Variants in ADGRL2 observed in about 807,000 individuals in gnomAD.
ADGRL2 encodes adhesion G protein-coupled receptor L2, also known as calcium-independent alpha-latrotoxin receptor 2.
In ADGRL2, 44 loss-of-function variants were observed where a neutral mutation model predicts 157.4. That is an observed-to-expected ratio of 0.28 (90% CI 0.22 to 0.36). The LOEUF is 0.36. Among genes scored for constraint, ADGRL2 ranks in the 10% least tolerant of loss-of-function variants. The pLI is 1.00. For missense variants in ADGRL2, 1,510 were observed against 1,768.9 expected (o/e 0.85, Z 2.63); for synonymous variants, 585 against 624.7 (o/e 0.94, Z 0.95).
chr1:81,924,466 T>C (rs1208469787), intron 3 of ADGRL2, among the ~76,000 whole-genome samples: 1 of 152,152 alleles, frequency 6.6e-6, no homozygotes, highest in Non-Finnish European at 1.5e-5. Context: ...GTTAGGATGA[T>C]TTTTGTAGAG....
At chr1:81,332,294 G>A (rs58540430) in intron 1 of ADGRL2, among the ~76,000 whole-genome samples, 2,181 of 151,710 alleles carry the variant, frequency 0.014, 58 homozygotes, top group African/African-American at 0.051. Context: ...TTTTTTTTCT[G>A]ATAGACAACA....
chr1:81,691,580 C>A (rs956010549), intron 3 of ADGRL2, among the ~76,000 whole-genome samples: 1 of 151,794 alleles, frequency 6.6e-6, no homozygotes, highest in Non-Finnish European at 1.5e-5. Context: ...CTCACTGCAA[C>A]CTCCACTTCC....
chr1:81,623,342 ATTG>A (rs2081838569), intron 3 of ADGRL2, among the ~76,000 whole-genome samples: 2 of 152,224 alleles, frequency 1.3e-5, no homozygotes, highest in Non-Finnish European at 2.9e-5. Context: ...AGATTTAAAA[ATTG>A]TCTCTGTTTC....
chr1:81,387,503 C>T (rs899695281), intron 1 of ADGRL2, among the ~76,000 whole-genome samples: 3 of 152,070 alleles, frequency 2.0e-5, no homozygotes, highest in Admixed American at 2.0e-4. Context: ...GCTTTAAATA[C>T]TTATTTCTTT....
chr1:81,514,800 A>G (rs541357701), intron 2 of ADGRL2: 4 of 152,236 alleles, frequency 2.6e-5, no homozygotes, highest in Non-Finnish European at 4.4e-5. Flanking sequence ...AAAATTCTGC[A>G]TCGGGCATTA....
intron 1 of ADGRL2, among the ~76,000 whole-genome samples, chr1:81,377,346 C>T (rs1016173181): frequency 2.0e-5 from 3 of 151,930 alleles, no homozygotes; most frequent in Non-Finnish European, 4.4e-5. Flanking sequence ...AATATATTGT[C>T]CGGCATTTAA....
chr1:81,902,885 T>C (rs572744087), intron 2 of ADGRL2, among the ~76,000 whole-genome samples: 3 of 152,302 alleles, frequency 2.0e-5, no homozygotes, highest in South Asian at 4.1e-4. Flanking sequence ...CTTTTGAAAA[T>C]TATTTTGACA....
At chr1:81,520,322 T>C (rs2079283332) in intron 2 of ADGRL2, among the ~76,000 whole-genome samples, 1 of 152,012 alleles carries the variant, frequency 6.6e-6, no homozygotes, top group African/African-American at 2.4e-5. Context: ...TTATATTAGG[T>C]AGGATTTGAT....
In ADGRL2 at chr1:81,974,379, C is replaced by T. The variant is rs3790880; in HGVS notation, c.3021+2461C>T. ...AGCTGTTCTTATCATTTGGACAGCTCCATCTGCATCGTTAATAATTAATTC... is the reference window on the plus strand; with the variant it reads ...AGCTGTTCTTATCATTTGGACAGCTTCATCTGCATCGTTAATAATTAATTC... On this transcript the variant is annotated intron_variant, in intron 17 of 23. Transcript: ENST00000686636. Among the ~76,000 whole-genome samples, 20 of 152,226 alleles carry T rather than the reference C, an allele frequency of 1.3e-4. No homozygotes were observed. In the East Asian group the frequency reaches 3.7e-3, roughly 28 times the overall value.
chr1:81,502,403 A>C (rs930488172), intron 2 of ADGRL2: 3 of 1,614,006 alleles, frequency 1.9e-6, no homozygotes, highest in Non-Finnish European at 2.5e-6. Flanking sequence ...AGATTTTGCC[A>C]AGCTGTATGA....
chr1:81,398,518 T>C (rs1205791579), intron 1 of ADGRL2, among the ~76,000 whole-genome samples: 1 of 152,210 alleles, frequency 6.6e-6, no homozygotes, highest in Non-Finnish European at 1.5e-5. Flanking sequence ...GGTGTGATTA[T>C]CATCTTTTTC....
intron 1 of ADGRL2, among the ~76,000 whole-genome samples, chr1:81,416,633 T>C (rs1251612331): frequency 1.3e-5 from 2 of 152,236 alleles, no homozygotes; most frequent in African/African-American, 4.8e-5. Context: ...TAAAATTCCA[T>C]TTATTCATTC....
At chr1:81,768,368 G>A (rs1436671654) in intron 2 of ADGRL2, among the ~76,000 whole-genome samples, 1 of 152,114 alleles carries the variant, frequency 6.6e-6, no homozygotes, top group African/African-American at 2.4e-5. Flanking sequence ...ATTTGTCAAT[G>A]TGAAATAAAT....
rs375393861 is a variant in ADGRL2, at chr1:81,922,145, A to G, written c.288-14583A>G. 6.6e-4 allele frequency among the ~76,000 whole-genome samples: 100 copies of G among 152,296 alleles called. No homozygotes were observed. In the South Asian group the frequency reaches 0.02, roughly 31 times the overall value. ...TACCAAATCTCCCTTATAGTGTAAC[A>G]AACTTTCAAAAGCTGGTGGAGAAGG... On this transcript the variant is annotated intron_variant, in intron 3 of 23. Coordinates refer to ENST00000686636, the MANE Select transcript of ADGRL2 (RefSeq NM_001366006.2).
chr1:81,426,680 A>G (rs908835529), intron 1 of ADGRL2: 1 of 469,690 alleles, frequency 2.1e-6, no homozygotes, highest in Non-Finnish European at 4.1e-6. Flanking sequence ...AAAACGTTCC[A>G]GGGGGTTTGG....
At chr1:81,780,510 T>C (rs2086768192) in intron 2 of ADGRL2, among the ~76,000 whole-genome samples, 1 of 152,154 alleles carries the variant, frequency 6.6e-6, no homozygotes. Context: ...ATGACTTGCT[T>C]AAAGTGTCAC....
chr1:81,663,723 C>G (rs1014345424), intron 3 of ADGRL2, among the ~76,000 whole-genome samples: 12 of 152,138 alleles, frequency 7.9e-5, no homozygotes, highest in African/African-American at 2.9e-4. Context: ...TTTGGTCTTG[C>G]TATTAAATCT....
intron 3 of ADGRL2, among the ~76,000 whole-genome samples, chr1:81,671,167 A>G (rs955779989): frequency 6.6e-6 from 1 of 152,116 alleles, no homozygotes; most frequent in Non-Finnish European, 1.5e-5. Context: ...CCTAACCTTC[A>G]TCTCTCCCCT....
At chr1:81,565,896 C>G (rs916367109) in intron 2 of ADGRL2, among the ~76,000 whole-genome samples, 1 of 152,044 alleles carries the variant, frequency 6.6e-6, no homozygotes, top group Non-Finnish European at 1.5e-5. Context: ...ATGACTCAAA[C>G]TTGATTTGTG....
Sources: allele counts gnomAD v4.1 joint callset (sites outside exome capture counted in the v4.1 genomes callset), GRCh38; gene constraint gnomAD v4.1.1; transcripts MANE v1.5; gene names NCBI Gene and HGNC (gene_info 2026-07-23, HGNC 2026-07-21).